Variants in EIF2B3 observed in about 807,000 individuals in gnomAD.
The protein encoded by EIF2B3 is translation initiation factor eIF2B subunit gamma.
In EIF2B3, 20 loss-of-function variants were observed where a neutral mutation model predicts 54.1. The observed-to-expected ratio is 0.37, with a 90% CI of 0.26 to 0.54. EIF2B3 has a LOEUF of 0.54. Among genes scored for constraint, EIF2B3 ranks in the 20% least tolerant of loss-of-function variants. The pLI is 0.86. For synonymous variants in EIF2B3, 153 were observed against 188.1 expected (o/e 0.81, Z 1.52); for missense variants, 448 against 547.8 (o/e 0.82, Z 1.82).
chr1:44,963,747 A>G (rs1644308988), intron 3 of EIF2B3, among the ~76,000 whole-genome samples: 1 of 152,224 alleles, frequency 6.6e-6, no homozygotes, highest in Non-Finnish European at 1.5e-5. Flanking sequence ...GAGTAGAATA[A>G]GTGGCCCTAC....
Position 44,981,064 on chromosome 1 carries a change from T to A in EIF2B3, c.105A>T (p.Leu35Phe). The change falls in exon 2 of 12, where the codon TTA becomes TTT. Residue 35 changes from leucine (L) to phenylalanine (F), a missense_variant. This residue lies in a region of EIF2B3 where 95 missense variants were observed against 115.7 expected (regional missense o/e 0.82). Coordinates refer to ENST00000360403, the MANE Select transcript of EIF2B3 (RefSeq NM_020365.5). ...CAAGCAGGTTCAATGGGTACCAAATTAAAGGTTTGTTCCCAACTGGAAGCA... is the reference window on the plus strand; with the variant it reads ...CAAGCAGGTTCAATGGGTACCAAATAAAAGGTTTGTTCCCAACTGGAAGCA... Reference protein sequence around the residue: ...KPLLPVGNKPLIWYPLNLLER... With the variant: ...KPLLPVGNKPFIWYPLNLLER... 6.2e-7 allele frequency: 1 copy of A among 1,613,498 alleles called. No homozygotes were observed.
chr1:44,869,048 T>C (rs1654874613), intron 10 of EIF2B3, among the ~76,000 whole-genome samples: 3 of 152,156 alleles, frequency 2.0e-5, no homozygotes, highest in South Asian at 4.1e-4. Flanking sequence ...AGGTTTTTAA[T>C]AGAACAAGGA....
At chr1:44,910,632 T>G (rs1569693493) in intron 5 of EIF2B3, among the ~76,000 whole-genome samples, 1 of 56,426 alleles carries the variant, frequency 1.8e-5, no homozygotes, top group Non-Finnish European at 3.0e-5. Context: ...CAAGTAATGC[T>G]TTTTTTTTTT....
At chr1:44,879,292 C>T (rs751238879) in intron 8 of EIF2B3, among the ~76,000 whole-genome samples, 8 of 152,178 alleles carry the variant, frequency 5.3e-5, no homozygotes, top group Non-Finnish European at 1.2e-4. Flanking sequence ...CCATATCTCA[C>T]AAACTTCAAG....
Position 44,865,643 on chromosome 1 carries a change from G to A in EIF2B3, c.1203-7836C>T, listed in dbSNP as rs146199000. ...GTTGCTCAGGCTGGAGTGCAATGGC[G>A]CGAACTGGGCTCACTGCAACCTCCA... On this transcript the variant is annotated intron_variant, in intron 10 of 11. Transcript: ENST00000360403. Among the ~76,000 whole-genome samples, 88 of 151,566 alleles carry A rather than the reference G, an allele frequency of 5.8e-4. 1 individual carries two copies. The highest frequency in any genetic ancestry group is 1.7e-3 in the African/African-American group (72 of 41,306).
At chr1:44,959,259 T>C in intron 3 of EIF2B3, 1 of 693,664 alleles carries the variant, frequency 1.4e-6, no homozygotes, top group Non-Finnish European at 2.7e-6. Flanking sequence ...GATTTTCAGT[T>C]CAGACCTTTT....
intron 3 of EIF2B3, among the ~76,000 whole-genome samples, chr1:44,946,491 G>T (rs368344875): frequency 6.8e-6 from 1 of 146,678 alleles, no homozygotes; most frequent in South Asian, 2.1e-4. Flanking sequence ...AGGCTGGAGT[G>T]CAGAGGTGTG....
intron 5 of EIF2B3, among the ~76,000 whole-genome samples, chr1:44,923,940 C>CTTTTT (rs570038780): frequency 1.5e-5 from 2 of 131,736 alleles, no homozygotes; most frequent in Non-Finnish European, 1.6e-5. Flanking sequence ...AATTTCTTTC[C>CTTTTT]TTTTTTTTTT....
intron 5 of EIF2B3, among the ~76,000 whole-genome samples, chr1:44,919,287 T>C (rs1224037545): frequency 6.6e-6 from 1 of 151,502 alleles, no homozygotes; most frequent in Admixed American, 6.6e-5. Flanking sequence ...GAGGTGGAGG[T>C]TGCAGTGAGC....
chr1:44,981,656 C>T (rs1170861512), intron 1 of EIF2B3, among the ~76,000 whole-genome samples: 2 of 152,058 alleles, frequency 1.3e-5, no homozygotes, highest in Admixed American at 1.3e-4. Context: ...AAATATTAGG[C>T]TGGGTGAGGT....
Position 44,875,605 on chromosome 1 carries a change from C to T in EIF2B3, c.1053+13G>A. 1 of 1,613,630 alleles carries T rather than the reference C, an allele frequency of 6.2e-7. No individual in the cohort carries two copies. Among genetic ancestry groups the T allele is most frequent in the Non-Finnish European group, 8.5e-7 (1 of 1,179,508 alleles). On this transcript the variant is annotated intron_variant, in intron 9 of 11. Transcript: ENST00000360403. ...GAACATCTCATGCCCGTCCTGGCCA[C>T]ACTAGCACTTACCAGGTGTTTGCTG... is the stretch of plus-strand genomic sequence containing the variant.
At chr1:44,902,829 TAAAAAAAAAAAAAAAA>T (rs11458839) in intron 5 of EIF2B3, among the ~76,000 whole-genome samples, 11 of 85,462 alleles carry the variant, frequency 1.3e-4, no homozygotes, top group Non-Finnish European at 2.3e-4. Context: ...ACTCTTTCTT[TAAAAAAAAAAAAAAAA>T]AAAAAAAAAA....
At chr1:44,925,405 C>A in intron 5 of EIF2B3, 1 of 152,532 alleles carries the variant, frequency 6.6e-6, no homozygotes, top group Non-Finnish European at 1.5e-5. Flanking sequence ...ACCTTGAGGA[C>A]ATTATGCTAA....
At chr1:44,969,249 G>A (rs1189193953) in intron 3 of EIF2B3, among the ~76,000 whole-genome samples, 1 of 152,018 alleles carries the variant, frequency 6.6e-6, no homozygotes, top group Non-Finnish European at 1.5e-5. Flanking sequence ...TATACATACA[G>A]AGAAACACTC....
Position 44,978,529 on chromosome 1 carries a change from C to A in EIF2B3, c.149-69G>T. The A allele has an allele frequency of 6.1e-6, 9 of 1,478,578 alleles. No individual in the cohort carries two copies. The South Asian group carries it at 9.2e-5, about 15-fold the overall frequency. 91.6% of individuals were successfully genotyped at this position (1,478,578 alleles called of 1,614,324 possible). A position where few individuals can be genotyped will look rare whatever the true frequency, so the allele number is the denominator to read the frequency against. On this transcript the variant is annotated intron_variant, in intron 2 of 11. Transcript: ENST00000360403. ...CATATAGACAGTGGTTCCATTATTT[C>A]AATTAGATTTGGTCTATTTCTAGGT...
intron 3 of EIF2B3, 117 bp downstream of exon 3, chr1:44,978,198 T>G (rs1328966733): frequency 8.2e-7 from 1 of 1,216,966 alleles, no homozygotes; most frequent in African/African-American, 1.5e-5. Context: ...ACTACTGCAC[T>G]CCGGCCTAGG....
In EIF2B3 at chr1:44,888,473, A is replaced by ATCTCTCTCTC. The variant is rs3044260; in HGVS notation, c.657-6744_657-6735dup. Among the ~76,000 whole-genome samples, 569 of 144,522 alleles carry ATCTCTCTCTC rather than the reference A, an allele frequency of 3.9e-3. 2 individuals carry two copies. Among genetic ancestry groups the ATCTCTCTCTC allele is most frequent in the Non-Finnish European group, 5.9e-3 (381 of 64,830 alleles). The allele number at this position is 144,522 out of a possible 152,430, so 94.8% of individuals were successfully genotyped here. On this transcript the variant is annotated intron_variant, in intron 6 of 11. Coordinates refer to ENST00000360403, the MANE Select transcript of EIF2B3 (RefSeq NM_020365.5). ...TGCCAGTCAGACTTATGGCTTCTCA[A>ATCTCTCTCTC]TCTCTCTCTCTCTCTCTCTCTCTCT...
intron 4 of EIF2B3, 104 bp from the exon 5 acceptor site, chr1:44,926,843 C>G: frequency 9.5e-7 from 1 of 1,049,944 alleles, no homozygotes. Context: ...GGAAACAACA[C>G]AGGATTGAAG....
chr1:44,868,069 T>G (rs190843354), intron 10 of EIF2B3, among the ~76,000 whole-genome samples: 3 of 151,894 alleles, frequency 2.0e-5, no homozygotes, highest in Admixed American at 2.0e-4. Context: ...TGAGATATGC[T>G]AGGCCTTTTC....
Sources: allele counts gnomAD v4.1 joint callset (sites outside exome capture counted in the v4.1 genomes callset), GRCh38; gene constraint gnomAD v4.1.1; regional missense constraint gnomAD v4.1.1; transcripts MANE v1.5; gene names NCBI Gene and HGNC (gene_info 2026-07-23, HGNC 2026-07-21).